MYO10: variants seen among roughly 807,000 people sequenced by gnomAD.
MYO10 encodes myosin X.
Under a neutral mutation model 257.3 loss-of-function variants are expected in MYO10, and 133 were observed. The observed-to-expected ratio is 0.52, with a 90% confidence interval of 0.45 to 0.60. The LOEUF is 0.60. Among genes scored for constraint, MYO10 ranks in the 20% least tolerant of loss-of-function variants. The pLI is 0.00. For missense variants in MYO10, 2,399 were observed against 2,635.7 expected (o/e 0.91, Z 1.97); for synonymous variants, 1,104 against 1,028.6 (o/e 1.07, Z -1.40).
chr5:16,824,251 C>G (rs1174611756), intron 2 of MYO10, among the ~76,000 whole-genome samples: 1 of 151,892 alleles, frequency 6.6e-6, no homozygotes, highest in Non-Finnish European at 1.5e-5. Flanking sequence ...GCATCTTCCT[C>G]TCACACTAGC....
chr5:16,735,352 G>T (rs1739748266), intron 19 of MYO10, among the ~76,000 whole-genome samples: 1 of 152,146 alleles, frequency 6.6e-6, no homozygotes, highest in Admixed American at 6.5e-5. Flanking sequence ...GAGTCTAAAT[G>T]CTGTGATTTA....
At chr5:16,754,268 T>C (rs1162503966) in intron 19 of MYO10, among the ~76,000 whole-genome samples, 3 of 152,156 alleles carry the variant, frequency 2.0e-5, no homozygotes, top group African/African-American at 7.2e-5. Context: ...CTCACATTCC[T>C]TGTAATCGGA....
Position 16,729,514 on chromosome 5 carries a change from C to T in MYO10, c.1930-18269G>A, listed in dbSNP as rs572405009. Among the ~76,000 whole-genome samples, 1,142 of 150,286 alleles carry T rather than the reference C, an allele frequency of 7.6e-3. 17 individuals carry two copies. The highest frequency in any genetic ancestry group is 0.027 in the African/African-American group (1,088 of 40,706). On this transcript the variant is annotated intron_variant, in intron 19 of 40. Coordinates refer to ENST00000513610, the MANE Select transcript of MYO10 (RefSeq NM_012334.3). ...TCACCCAGGCTGGAGTGCAGTGGCG[C>T]GATCTTGGCTCACTGCAAGTTCTGC...
At chr5:16,804,368 C>G (rs967266614) in intron 3 of MYO10, among the ~76,000 whole-genome samples, 1 of 152,200 alleles carries the variant, frequency 6.6e-6, no homozygotes, top group African/African-American at 2.4e-5. Context: ...AAAGGTGATA[C>G]AGCAGCCCAA....
At position 16,704,613 on chromosome 5, in the gene MYO10, C is replaced by T. The variant is rs749001530; in HGVS notation, c.2242G>A (p.Val748Met). Residue 748 changes from valine to methionine, a missense_variant, in exon 22 of 41, where the codon GTG becomes ATG. Around this residue, in one of 3 missense-constraint regions of MYO10, gnomAD observed 1,820 missense variants for 1,939.4 expected, o/e 0.94. Coordinates refer to ENST00000513610, the MANE Select transcript of MYO10 (RefSeq NM_012334.3). ...AAGCCCAAGACATGGGCCCGAATCA[C>T]CATGGCCGCGTGGCTCACTTCCTCT... Reference protein sequence around the residue: ...REEEVSHAAMVIRAHVLGFLA... With the variant: ...REEEVSHAAMMIRAHVLGFLA... The T allele has an allele frequency of 8.1e-6, 13 of 1,613,936 alleles. No homozygotes were observed. In the South Asian group the frequency reaches 1.4e-4, roughly 18 times the overall value.
Position 16,710,755 on chromosome 5 carries a change from G to T in MYO10, c.2169+153C>A. On this transcript the variant is annotated intron_variant, in intron 21 of 40. Transcript: ENST00000513610. ...TTCAAATAAAATAGTAACTGTTTGGGAGACAAAAGGTTATGGTAGGCATGG... is the reference window on the plus strand; with the variant it reads ...TTCAAATAAAATAGTAACTGTTTGGTAGACAAAAGGTTATGGTAGGCATGG... 1.1e-5 allele frequency: 7 copies of T among 650,028 alleles called. 1 individual carries two copies. The South Asian group carries it at 1.4e-4, about 13-fold the overall frequency. 40.3% of individuals were successfully genotyped at this position (650,028 alleles called of 1,614,324 possible).
intron 4 of MYO10, among the ~76,000 whole-genome samples, chr5:16,792,581 A>AGCGGGGG (rs943843321): frequency 2.0e-4 from 20 of 100,070 alleles, no homozygotes; most frequent in African/African-American, 6.9e-4. Context: ...TCCCCACAGG[A>AGCGGGGG]GCGGGGGGCG....
intron 19 of MYO10, among the ~76,000 whole-genome samples, chr5:16,717,057 G>C (rs1160540288): frequency 6.6e-6 from 1 of 152,138 alleles, no homozygotes; most frequent in Non-Finnish European, 1.5e-5. Context: ...GACTGGTCTT[G>C]AACTCCTGAC....
chr5:16,790,475 G>A (rs1380633253), intron 4 of MYO10, among the ~76,000 whole-genome samples: 4 of 152,186 alleles, frequency 2.6e-5, no homozygotes, highest in Non-Finnish European at 5.9e-5. Flanking sequence ...GAGGGACCTG[G>A]TGGGAGACGA....
At chr5:16,801,354 C>G (rs1742115291) in intron 3 of MYO10, among the ~76,000 whole-genome samples, 1 of 151,940 alleles carries the variant, frequency 6.6e-6, no homozygotes, top group Non-Finnish European at 1.5e-5. Context: ...ATTACAGGCG[C>G]CCACAACCAC....
At chr5:16,855,375 C>T (rs903618773) in intron 2 of MYO10, among the ~76,000 whole-genome samples, 9 of 152,156 alleles carry the variant, frequency 5.9e-5, no homozygotes, top group African/African-American at 2.2e-4. Flanking sequence ...TACCTCCAAA[C>T]ATCCATGAGG....
chr5:16,857,999 C>T (rs1371555574), intron 2 of MYO10, among the ~76,000 whole-genome samples: 1 of 152,128 alleles, frequency 6.6e-6, no homozygotes, highest in African/African-American at 2.4e-5. Context: ...GCTTGGCAAA[C>T]TTTTTCTGCT....
chr5:16,780,583 C>T lies in MYO10; in HGVS notation c.767G>A (p.Gly256Glu), dbSNP rs1474960751. The change falls in exon 8 of 41, where the codon GGG (glycine) becomes GAG (glutamate). Residue 256 changes from glycine (G) to glutamate (E), a missense_variant. By Grantham distance (98) the Gly-to-Glu change is moderately conservative. This residue lies in a region of MYO10 where 337 missense variants were observed against 446.8 expected (regional missense o/e 0.75). Coordinates refer to ENST00000513610, the MANE Select transcript of MYO10 (RefSeq NM_012334.3). ...ATAAAATATGTGATAATTCCTTTCC[C>T]CGGGATTTTGCCTTACTACTCGGTT... ...EKNRVVRQNP[G>E]ERNYHIFYAL... 1 of 1,580,608 alleles carries T rather than the reference C, an allele frequency of 6.3e-7. No individual in the cohort carries two copies. Among genetic ancestry groups the T allele is most frequent in the Admixed American group, 1.8e-5 (1 of 54,916 alleles).
intron 1 of MYO10, among the ~76,000 whole-genome samples, chr5:16,891,432 A>C (rs1172006930): frequency 1.3e-5 from 2 of 151,508 alleles, no homozygotes; most frequent in African/African-American, 4.9e-5. Context: ...AGGAGAAAAG[A>C]AAGCTCACTG....
rs151331141 is a variant in MYO10 at position 16,787,806 on chromosome 5, T to TTGTGTG, written c.468-4343_468-4338dup. ...TTTAAGCTTCTAAAGGATCGTTCTTTTGTGTGTGTGTGTGTGAGTTTCGCT... is the reference window on the plus strand; with the variant it reads ...TTTAAGCTTCTAAAGGATCGTTCTTTTGTGTGTGTGTGTGTGTGTGTGAGTTTCGCT... On this transcript the variant is annotated intron_variant, in intron 4 of 40. Coordinates refer to ENST00000513610, the MANE Select transcript of MYO10 (RefSeq NM_012334.3). Among the ~76,000 whole-genome samples, 79 of 151,164 alleles carry TTGTGTG rather than the reference T, an allele frequency of 5.2e-4. No homozygotes were observed. The South Asian group carries it at 7.1e-3, about 14-fold the overall frequency.
chr5:16,688,856 C>T (rs1359739820), intron 28 of MYO10, among the ~76,000 whole-genome samples: 5 of 152,148 alleles, frequency 3.3e-5, no homozygotes, highest in Non-Finnish European at 2.9e-5. Flanking sequence ...AGACGTTCCA[C>T]GGTGTCAGAT....
chr5:16,725,883 G>T (rs990985473), intron 19 of MYO10, among the ~76,000 whole-genome samples: 6 of 151,420 alleles, frequency 4.0e-5, no homozygotes, highest in Non-Finnish European at 8.8e-5. Flanking sequence ...CACTTCCTGG[G>T]TTCAAGCGAA....
At chr5:16,784,345 C>T (rs1289742333) in intron 4 of MYO10, among the ~76,000 whole-genome samples, 1 of 152,174 alleles carries the variant, frequency 6.6e-6, no homozygotes, top group African/African-American at 2.4e-5. Context: ...TGGTGATGAC[C>T]TCATCAAGGC....
chr5:16,771,374 T>G (rs1329397584), intron 9 of MYO10, among the ~76,000 whole-genome samples: 1 of 151,760 alleles, frequency 6.6e-6, no homozygotes, highest in Non-Finnish European at 1.5e-5. Context: ...ACAACATGAT[T>G]ATCTGACAGA....
Sources: allele counts gnomAD v4.1 joint callset (sites outside exome capture counted in the v4.1 genomes callset), GRCh38; gene constraint gnomAD v4.1.1; regional missense constraint gnomAD v4.1.1; transcripts MANE v1.5; gene names NCBI Gene and HGNC (gene_info 2026-07-23, HGNC 2026-07-21).